Variants in TMEM43 observed in about 807,000 individuals in gnomAD.
The protein encoded by TMEM43 is transmembrane protein 43.
TMEM43 carries 45 observed loss-of-function variants against 49.6 expected under a neutral mutation model. The observed-to-expected ratio is 0.91, with a 90% CI of 0.71 to 1.16. The LOEUF (loss-of-function observed/expected upper bound fraction) is 1.16. TMEM43 is among the 50% of genes most tolerant of loss of function. TMEM43 has a pLI of 0.00. For synonymous variants in TMEM43, 199 were observed against 207.8 expected (o/e 0.96, Z 0.36); for missense variants, 532 against 516.6 (o/e 1.03, Z -0.29).
chr3:14,135,722 C>T (rs1695159838), intron 9 of TMEM43, 85 bp from the exon 10 acceptor site: 1 of 1,181,948 alleles, frequency 8.5e-7, no homozygotes, highest in Non-Finnish European at 1.2e-6. Flanking sequence ...AGCCGGCACC[C>T]AGTCCCGGGA....
At chr3:14,132,672 T>C in intron 5 of TMEM43, 77 bp downstream of exon 5, 2 of 1,543,632 alleles carry the variant, frequency 1.3e-6, no homozygotes, top group Admixed American at 1.7e-5. Flanking sequence ...GGGCTGTTGG[T>C]GGGGCCATGG....
At chr3:14,139,331 T>C in intron 11 of TMEM43, 34 bp downstream of exon 11, 1 of 1,477,672 alleles carries the variant, frequency 6.8e-7, no homozygotes, top group South Asian at 1.1e-5. Context: ...CCCTCCCTCC[T>C]GCACCCTGAA....
rs757973802 is a variant in TMEM43 at position 14,136,040 on chromosome 3, GT to G, written c.882+134del. On this transcript the variant is annotated intron_variant, in intron 10 of 11. Transcript: ENST00000306077. Reference sequence around the variant, plus strand: ...AGGCAAGAAGAAGAAATAGCGGAATGTTGAGTATGCCTCATCAAAGTGTTTG... The same window carrying G: ...AGGCAAGAAGAAGAAATAGCGGAATGTGAGTATGCCTCATCAAAGTGTTTG... 3.6e-6 allele frequency: 3 copies of G among 825,600 alleles called. No homozygotes were observed. In the South Asian group the frequency reaches 4.2e-5, roughly 12 times the overall value. The allele number at this position is 825,600 out of a possible 1,614,324, so 51.1% of individuals were successfully genotyped here.
rs1487754536 is a variant in TMEM43, at chr3:14,139,294, T to G, written c.997T>G (p.Leu333Val). Residue 333 changes from leucine to valine, a missense_variant, in exon 11 of 12, where the codon TTG (leucine) becomes GTG (valine). Leu to Val is a conservative substitution (Grantham distance 32). Transcript: ENST00000306077. ...CCTTATGACACGGATCCTCTACACC[T>G]TGGGTAGGTGTTGGGGTGGGTCACT... ...LNLMTRILYT[L>V]VDWFPVFRDL... 2 of 1,612,030 alleles carry G rather than the reference T, an allele frequency of 1.2e-6. No homozygotes were observed. The highest frequency in any genetic ancestry group is 3.3e-5 in the Admixed American group (2 of 60,026).
At chr3:14,136,135 T>G in intron 10 of TMEM43, 1 of 626,272 alleles carries the variant, frequency 1.6e-6, no homozygotes, top group Middle Eastern at 3.6e-4. Context: ...ATGAGATCTC[T>G]TGGGGATGAG....
At chr3:14,140,699 C>T (rs1695235643) in intron 11 of TMEM43, among the ~76,000 whole-genome samples, 1 of 152,188 alleles carries the variant, frequency 6.6e-6, no homozygotes, top group Non-Finnish European at 1.5e-5. Flanking sequence ...GAGTACCTAC[C>T]TTACAGGGTG....
In TMEM43 at chr3:14,129,393, ACTGTTT is replaced by A; in HGVS notation, c.13-16_13-11del. ...TTTAAAAACTAGTTTTCATTCTGTT[ACTGTTT>A]CTTTTTCTTCAGTATTCCAGTACCA... On this transcript the variant is annotated splice_polypyrimidine_tract_variant and intron_variant, in intron 1 of 11. Coordinates refer to ENST00000306077, the MANE Select transcript of TMEM43 (RefSeq NM_024334.3). 6.3e-7 allele frequency: 1 copy of A among 1,597,080 alleles called. No homozygotes were observed. Among genetic ancestry groups the A allele is most frequent in the Non-Finnish European group, 8.5e-7 (1 of 1,169,834 alleles).
chr3:14,132,520 C>T, intron 4 of TMEM43, 26 bp from the exon 5 acceptor site: 1 of 1,613,984 alleles, frequency 6.2e-7, no homozygotes, highest in Non-Finnish European at 8.5e-7. Context: ...AGGCTAACCC[C>T]CGTGGCTGCT....
chr3:14,131,000 C>A, intron 3 of TMEM43, 44 bp downstream of exon 3: 1 of 1,587,530 alleles, frequency 6.3e-7, no homozygotes, highest in South Asian at 1.1e-5. Flanking sequence ...GCTCGGGGCT[C>A]ATCCTGGATG....
chr3:14,135,012 G>A, intron 8 of TMEM43, 121 bp downstream of exon 8: 1 of 1,529,672 alleles, frequency 6.5e-7, no homozygotes, highest in Non-Finnish European at 9.0e-7. Context: ...GCAGCTGAGT[G>A]GGAGAGGCCC....
Position 14,135,694 on chromosome 3 carries a change from T to C in TMEM43, c.781-113T>C, listed in dbSNP as rs2607765. 0.65 allele frequency: 514,664 copies of C among 795,950 alleles called. 169,432 individuals carry two copies. The highest frequency in any genetic ancestry group is 0.89 in the African/African-American group (52,620 of 59,190). 49.3% of individuals were successfully genotyped at this position (795,950 alleles called of 1,614,324 possible). A position where few individuals can be genotyped will look rare whatever the true frequency, so the allele number is the denominator to read the frequency against. ...TGTATAGAGAGAGAAGCCCCAGGGT[T>C]TCTGTGCTCACTTCCCCAGCCGGCA... On this transcript the variant is annotated intron_variant, in intron 9 of 11. Transcript: ENST00000306077.
At chr3:14,135,091 C>G (rs1195171327) in intron 8 of TMEM43, 67 bp from the exon 9 acceptor site, 1 of 1,524,348 alleles carries the variant, frequency 6.6e-7, no homozygotes, top group East Asian at 2.3e-5. Context: ...GTAGCCGAGG[C>G]ATCCTGGACC....
intron 2 of TMEM43, among the ~76,000 whole-genome samples, chr3:14,130,256 G>A (rs577129583): frequency 2.1e-4 from 32 of 152,040 alleles, no homozygotes; most frequent in South Asian, 8.3e-4. Flanking sequence ...TGTCCAGGGC[G>A]CACTCACATG....
At chr3:14,133,004 C>T in intron 6 of TMEM43, 69 bp downstream of exon 6, 1 of 1,308,444 alleles carries the variant, frequency 7.6e-7, no homozygotes, top group South Asian at 1.2e-5. Context: ...TCAGTTTCTT[C>T]ATCTGAATAA....
intron 1 of TMEM43, among the ~76,000 whole-genome samples, 158 bp downstream of exon 1, chr3:14,125,363 A>T (rs1574934877): frequency 6.6e-6 from 1 of 152,068 alleles, no homozygotes; most frequent in Non-Finnish European, 1.5e-5. Flanking sequence ...TCGCCAGCTC[A>T]TCCCTCTGCT....
chr3:14,126,947 G>A (rs1695028928), intron 1 of TMEM43, among the ~76,000 whole-genome samples: 1 of 152,246 alleles, frequency 6.6e-6, no homozygotes, highest in Middle Eastern at 3.4e-3. Context: ...AATCAGAGAG[G>A]TAGAGCAATT....
chr3:14,129,800 C>G (rs747887849), intron 2 of TMEM43, among the ~76,000 whole-genome samples: 1 of 152,184 alleles, frequency 6.6e-6, no homozygotes, highest in African/African-American at 2.4e-5. Flanking sequence ...CTGCCTCAGG[C>G]GTAGTTGGAT....
chr3:14,139,426 C>G, intron 11 of TMEM43, 129 bp downstream of exon 11: 1 of 747,656 alleles, frequency 1.3e-6, no homozygotes, highest in South Asian at 1.5e-5. Flanking sequence ...TTTGGCTCAT[C>G]TCTGTGTCCC....
intron 7 of TMEM43, among the ~76,000 whole-genome samples, chr3:14,134,055 G>A (rs1399014811): frequency 6.6e-6 from 1 of 152,200 alleles, no homozygotes; most frequent in African/African-American, 2.4e-5. Flanking sequence ...GAATGACTCA[G>A]GCATGCATCC....
Sources: allele counts gnomAD v4.1 joint callset (sites outside exome capture counted in the v4.1 genomes callset), GRCh38; gene constraint gnomAD v4.1.1; transcripts MANE v1.5; gene names NCBI Gene and HGNC (gene_info 2026-07-23, HGNC 2026-07-21).